ART3: variants seen among roughly 807,000 people sequenced by gnomAD.
ART3 encodes the protein ecto-ADP-ribosyltransferase 3.
ART3 carries 49 observed loss-of-function variants against 48.5 expected under a neutral mutation model. The ratio of observed to expected loss-of-function variants is 1.01; its 90% confidence interval spans 0.80 to 1.28. The LOEUF is 1.28. Ranked by LOEUF, ART3 falls within the 50% of genes most tolerant of loss-of-function variation. The pLI, the probability that ART3 is intolerant of heterozygous loss-of-function variation, is 0.00. For synonymous variants in ART3, 145 were observed against 157.2 expected, an observed-to-expected ratio of 0.92 and a Z score of 0.58; for missense variants, 438 against 454.3, an observed-to-expected ratio of 0.96 and a Z score of 0.33.
chr4:76,082,230 C>G lies in ART3; in HGVS notation c.476C>G (p.Thr159Ser), dbSNP rs1560625654. The change falls in exon 3 of 12, where the codon ACT becomes AGT. Residue 159 changes from threonine to serine, a missense_variant. Physicochemically the swap from Thr to Ser is moderately conservative, Grantham distance 58 (BLOSUM62 1). This residue lies in a region of ART3 where 206 missense variants were observed against 205.3 expected (regional missense o/e 1.00). Transcript: ENST00000355810. ...LRKPCEASSK[T>S]VVYRTSQGTS... is the part of the protein sequence containing the mutation. ...AAACCTTGTGAGGCCAGTTCCAAAA[C>G]TGTGGTATATAGAACAAGCCAGGGC... The G allele has an allele frequency of 6.2e-7, 1 of 1,614,176 alleles. No homozygotes were observed. Among genetic ancestry groups the G allele is most frequent in the Non-Finnish European group, 8.5e-7 (1 of 1,180,044 alleles).
chr4:76,093,590 T>C (rs1725390035), intron 3 of ART3, among the ~76,000 whole-genome samples: 1 of 152,352 alleles, frequency 6.6e-6, no homozygotes, highest in South Asian at 2.1e-4. Flanking sequence ...GAAGGCCAGC[T>C]AATTAACAAC....
intron 3 of ART3, among the ~76,000 whole-genome samples, chr4:76,094,370 T>C (rs1725561029): frequency 6.6e-6 from 1 of 152,248 alleles, no homozygotes; most frequent in Non-Finnish European, 1.5e-5. Context: ...TTGAGTTCTC[T>C]TGTCATGATG....
At chr4:76,107,576 CAA>C (rs1289480656) in intron 10 of ART3, 183 bp from the exon 11 acceptor site, 5 of 394,672 alleles carry the variant, frequency 1.3e-5, no homozygotes, top group Middle Eastern at 3.3e-4. Flanking sequence ...AAAAAAAATT[CAA>C]AGAGCACAGA....
chr4:76,062,460 T>C (rs1719307173), intron 1 of ART3, among the ~76,000 whole-genome samples: 1 of 152,056 alleles, frequency 6.6e-6, no homozygotes, highest in Non-Finnish European at 1.5e-5. Context: ...TTAGTTGTTA[T>C]AAATTATCGT....
chr4:76,060,298 T>C (rs1719087756), intron 1 of ART3, among the ~76,000 whole-genome samples: 1 of 151,980 alleles, frequency 6.6e-6, no homozygotes, highest in African/African-American at 2.4e-5. Context: ...ACATTGGTAA[T>C]ATATAACCAA....
intron 1 of ART3, chr4:76,022,273 C>T (rs1042927378): frequency 9.8e-6 from 10 of 1,023,272 alleles, no homozygotes; most frequent in Middle Eastern, 2.0e-4. Flanking sequence ...TTTAAACCAG[C>T]GATTGCACAG....
intron 1 of ART3, among the ~76,000 whole-genome samples, chr4:76,067,106 T>G (rs1022726176): frequency 2.0e-5 from 3 of 152,196 alleles, no homozygotes; most frequent in Non-Finnish European, 2.9e-5. Context: ...GCTGCCACCA[T>G]CACTTGGGCA....
chr4:76,079,251 G>A (rs1455760711), intron 2 of ART3, among the ~76,000 whole-genome samples: 1 of 151,606 alleles, frequency 6.6e-6, no homozygotes, highest in Non-Finnish European at 1.5e-5. Context: ...TTAGTGCCTG[G>A]CATATAGAAA....
At chr4:76,014,723 A>G (rs1292239067) in intron 1 of ART3, among the ~76,000 whole-genome samples, 5 of 151,742 alleles carry the variant, frequency 3.3e-5, no homozygotes, top group African/African-American at 1.2e-4. Flanking sequence ...AAGCAAGTTA[A>G]ACTCAAAAAG....
chr4:76,018,394 A>G (rs759472195), intron 1 of ART3, among the ~76,000 whole-genome samples: 5 of 152,162 alleles, frequency 3.3e-5, no homozygotes, highest in Non-Finnish European at 5.9e-5. Flanking sequence ...TTGAGTACCC[A>G]TGGACACAAA....
intron 2 of ART3, among the ~76,000 whole-genome samples, chr4:76,080,866 T>C (rs1649827225): frequency 6.6e-6 from 1 of 152,146 alleles, no homozygotes; most frequent in South Asian, 2.1e-4. Flanking sequence ...TCAAGTAACT[T>C]TCCCATACCT....
intron 9 of ART3, 86 bp from the exon 10 acceptor site, chr4:76,104,511 C>A (rs1728043265): frequency 1.3e-6 from 2 of 1,545,298 alleles, no homozygotes; most frequent in Admixed American, 2.0e-5. Flanking sequence ...TGGGTGCTTG[C>A]ATCTCTTAAG....
intron 1 of ART3, among the ~76,000 whole-genome samples, chr4:76,045,599 C>A (rs1188141495): frequency 6.6e-6 from 1 of 152,048 alleles, no homozygotes; most frequent in Admixed American, 6.6e-5. Flanking sequence ...TCTAAGGACT[C>A]CAAGAGCTAT....
intron 10 of ART3, chr4:76,106,318 C>T (rs1199922328): frequency 1.0e-6 from 1 of 985,288 alleles, no homozygotes; most frequent in Non-Finnish European, 1.2e-6. Context: ...GCTAGGCACA[C>T]ACTTGGTAGT....
intron 1 of ART3, among the ~76,000 whole-genome samples, chr4:76,065,772 T>C (rs1187776159): frequency 6.6e-6 from 1 of 151,458 alleles, no homozygotes; most frequent in Non-Finnish European, 1.5e-5. Context: ...AACATCAATA[T>C]ATTAAATATA....
chr4:76,020,789 G>C (rs1732728426), intron 1 of ART3, among the ~76,000 whole-genome samples: 1 of 152,130 alleles, frequency 6.6e-6, no homozygotes, highest in Non-Finnish European at 1.5e-5. Flanking sequence ...AGGAGTTCGA[G>C]GCTGCAGTGA....
At chr4:76,039,101 T>C (rs1374617923) in intron 1 of ART3, among the ~76,000 whole-genome samples, 2 of 117,274 alleles carry the variant, frequency 1.7e-5, no homozygotes, top group Non-Finnish European at 1.7e-5. Flanking sequence ...ATAATAATAG[T>C]ACTTTTTTTT....
At chr4:76,036,522 G>A (rs1188368514) in intron 1 of ART3, among the ~76,000 whole-genome samples, 2 of 152,006 alleles carry the variant, frequency 1.3e-5, no homozygotes, top group African/African-American at 2.4e-5. Flanking sequence ...TTTGACACCA[G>A]ATGACCTTTA....
chr4:76,065,458 T>C (rs1560607265), intron 1 of ART3, among the ~76,000 whole-genome samples: 1 of 152,056 alleles, frequency 6.6e-6, no homozygotes, highest in Non-Finnish European at 1.5e-5. Flanking sequence ...ACAGTAGTCC[T>C]GGCTGAGAAT....
Sources: allele counts gnomAD v4.1 joint callset (sites outside exome capture counted in the v4.1 genomes callset), GRCh38; gene constraint gnomAD v4.1.1; regional missense constraint gnomAD v4.1.1; transcripts MANE v1.5; gene names NCBI Gene and HGNC (gene_info 2026-07-23, HGNC 2026-07-21).